The following CCDC77 variants were observed in gnomAD, a reference collection of about 807,000 sequenced individuals.
CCDC77 encodes coiled-coil domain containing 77.
In CCDC77, 56 loss-of-function variants were observed where a neutral mutation model predicts 66.8. The observed-to-expected ratio is 0.84, with a 90% CI of 0.68 to 1.05. The LOEUF (loss-of-function observed/expected upper bound fraction) is 1.05. Ranked by LOEUF, CCDC77 falls within the 50% of genes least tolerant of loss-of-function variation. The probability of loss-of-function intolerance (pLI) is 0.00; values close to 1 mark genes in which losing one functional copy is unlikely to be tolerated. For missense variants in CCDC77, 570 were observed against 576.8 expected, an observed-to-expected ratio of 0.99 and a Z score of 0.12; for synonymous variants, 196 against 195.2, an observed-to-expected ratio of 1.00 and a Z score of -0.03.
At chr12:389,530 A>G (rs1944706025) in intron 1 of CCDC77, 1 of 67,556 alleles carries the variant, frequency 1.5e-5, no homozygotes, top group Admixed American at 3.4e-4. Flanking sequence ...TACTAGAGGT[A>G]CGGATTGAGG....
intron 12 of CCDC77, 96 bp from the exon 13 acceptor site, chr12:441,678 A>G: frequency 1.5e-6 from 2 of 1,334,688 alleles, no homozygotes; most frequent in South Asian, 2.8e-5. Flanking sequence ...AAATCTCACA[A>G]AAAGGAGCTA....
At chr12:405,217 A>G (rs773426779) in intron 1 of CCDC77, among the ~76,000 whole-genome samples, 11 of 152,242 alleles carry the variant, frequency 7.2e-5, no homozygotes, top group Non-Finnish European at 1.3e-4. Flanking sequence ...ATGTGATTCC[A>G]TTTATAGGAA....
rs528956191 is a variant in CCDC77 at position 415,577 on chromosome 12, A to G, written c.271-2917A>G. Among the ~76,000 whole-genome samples, 14 of 147,452 alleles carry G rather than the reference A, an allele frequency of 9.5e-5. 1 individual carries two copies. Among genetic ancestry groups the G allele is most frequent in the African/African-American group, 3.5e-4 (14 of 39,738 alleles). ...ATTATTAACATAATAATATGTTAAT[A>G]AAAATGTAATAAATATTTTTATCAC... On this transcript the variant is annotated intron_variant, in intron 4 of 12. Transcript: ENST00000239830.
At position 423,486 on chromosome 12, in the gene CCDC77, TTTGTTTTG is replaced by T. The variant is rs1565572233; in HGVS notation, c.413+4853_413+4860del. ...GTTTTTTGTGTTTTTTGTGTTTTTT[TTTGTTTTG>T]TTTTTTTTTTTTTTTTTTTGAGACA... On this transcript the variant is annotated intron_variant, in intron 5 of 12. Transcript: ENST00000239830. Among the ~76,000 whole-genome samples, 69 of 32,098 alleles carry T rather than the reference TTTGTTTTG, an allele frequency of 2.1e-3. 6 individuals are homozygous for T. Among genetic ancestry groups the T allele is most frequent in the South Asian group, 8.1e-3 (7 of 866 alleles). The allele number at this position is 32,098 out of a possible 152,430, so 21.1% of individuals were successfully genotyped here. A position where few individuals can be genotyped will look rare whatever the true frequency, so the allele number is the denominator to read the frequency against.
intron 4 of CCDC77, among the ~76,000 whole-genome samples, chr12:414,841 C>T (rs1369548926): frequency 2.0e-5 from 3 of 152,142 alleles, no homozygotes; most frequent in Non-Finnish European, 4.4e-5. Flanking sequence ...CACACAGACC[C>T]TTGAGTTGCG....
At chr12:399,828 T>C (rs1944874037), upstream of CCDC77, among the ~76,000 whole-genome samples, 1 of 152,218 alleles carries the variant, frequency 6.6e-6, no homozygotes, top group Non-Finnish European at 1.5e-5. Context: ...GGGATGTAAA[T>C]GGGCACTGGC....
intron 1 of CCDC77, among the ~76,000 whole-genome samples, chr12:390,342 T>C (rs1005526314): frequency 1.3e-5 from 2 of 152,152 alleles, no homozygotes; most frequent in African/African-American, 4.8e-5. Context: ...ATCTCCAAAC[T>C]CAACAACTCC....
At position 418,478 on chromosome 12, in the gene CCDC77, T is replaced by G. The variant is rs1037094515; in HGVS notation, c.271-16T>G. The stretch of plus-strand genomic sequence containing the variant: ...ACCCAGTGTCTTTCAACTATCTTAT[T>G]GTGGTTTTTTTGCAGCATAAACTTG... On this transcript the variant is annotated splice_polypyrimidine_tract_variant and intron_variant, in intron 4 of 12. Transcript: ENST00000239830. 5.0e-6 allele frequency: 8 copies of G among 1,613,490 alleles called. No individual in the cohort carries two copies. Among genetic ancestry groups the G allele is most frequent in the Non-Finnish European group, 6.8e-6 (8 of 1,179,576 alleles).
intron 3 of CCDC77, among the ~76,000 whole-genome samples, chr12:410,139 T>C (rs145852659): frequency 7.2e-4 from 109 of 152,336 alleles, no homozygotes; most frequent in African/African-American, 2.4e-3. Context: ...AGTGAGCACA[T>C]ATATTAACTA....
At chr12:409,249 C>G (rs1265118773) in intron 2 of CCDC77, 119 bp from the exon 3 acceptor site, 1 of 587,668 alleles carries the variant, frequency 1.7e-6, no homozygotes, top group Non-Finnish European at 3.0e-6. Context: ...CATTTTAAAA[C>G]ATCAGATTCT....
chr12:423,477 GT>G (rs1945462623), intron 5 of CCDC77, among the ~76,000 whole-genome samples: 2 of 24,956 alleles, frequency 8.0e-5, no homozygotes, highest in East Asian at 1.4e-3. Context: ...TGTGTTTTTT[GT>G]GTTTTTTTTT....
At chr12:440,039 G>A (rs1000383282) in intron 10 of CCDC77, among the ~76,000 whole-genome samples, 10 of 152,162 alleles carry the variant, frequency 6.6e-5, no homozygotes, top group African/African-American at 2.4e-4. Flanking sequence ...GAAATGGAAG[G>A]CTGTCATCAT....
At chr12:423,479 G>GTTTTTTTTTTTTTTTTTT (rs1289177296) in intron 5 of CCDC77, among the ~76,000 whole-genome samples, 1 of 21,242 alleles carries the variant, frequency 4.7e-5, no homozygotes, top group African/African-American at 1.6e-4. Context: ...TGTTTTTTGT[G>GTTTTTTTTTTTTTTTTTT]TTTTTTTTTG....
intron 5 of CCDC77, among the ~76,000 whole-genome samples, chr12:428,168 G>A (rs1339366284): frequency 1.3e-5 from 2 of 152,118 alleles, no homozygotes; most frequent in African/African-American, 4.8e-5. Flanking sequence ...GCCCCGAAGA[G>A]CAAGATCTGA....
At chr12:423,470 G>GTTTTTTTTTTTTTTTTTTTTTTTTT (rs1307027692) in intron 5 of CCDC77, among the ~76,000 whole-genome samples, 1 of 44,846 alleles carries the variant, frequency 2.2e-5, no homozygotes, top group African/African-American at 7.4e-5. Flanking sequence ...TGTTTTTTGT[G>GTTTTTTTTTTTTTTTTTTTTTTTTT]TTTTTTGTGT....
At chr12:437,497 T>C (rs1451127065) in intron 9 of CCDC77, among the ~76,000 whole-genome samples, 1 of 150,710 alleles carries the variant, frequency 6.6e-6, no homozygotes, top group Non-Finnish European at 1.5e-5. Flanking sequence ...AATGGAGGAA[T>C]TAAAATAGGC....
At chr12:419,232 A>C (rs979787744) in intron 5 of CCDC77, among the ~76,000 whole-genome samples, 6 of 152,226 alleles carry the variant, frequency 3.9e-5, no homozygotes, top group Non-Finnish European at 8.8e-5. Context: ...GTCTTTCGGC[A>C]GCAAAGGACT....
intron 1 of CCDC77, chr12:390,241 C>T (rs546870648): frequency 6.6e-6 from 1 of 151,846 alleles, no homozygotes; most frequent in Non-Finnish European, 1.5e-5. Flanking sequence ...AATACTCTTA[C>T]TGACAACAGC....
chr12:415,213 T>A (rs1565567697), intron 4 of CCDC77, among the ~76,000 whole-genome samples: 1 of 151,480 alleles, frequency 6.6e-6, no homozygotes, highest in African/African-American at 2.4e-5. Flanking sequence ...TGAGTTCCAC[T>A]GTGGACTTGT....
Sources: allele counts gnomAD v4.1 joint callset (sites outside exome capture counted in the v4.1 genomes callset), GRCh38; gene constraint gnomAD v4.1.1; transcripts MANE v1.5; gene names NCBI Gene and HGNC (gene_info 2026-07-23, HGNC 2026-07-21).